The following PITPNA variants were observed in gnomAD, a reference collection of about 807,000 sequenced individuals.
PITPNA encodes the protein phosphatidylinositol transfer protein alpha isoform.
PITPNA carries 13 observed loss-of-function variants against 50.3 expected under a neutral mutation model. The observed-to-expected ratio is 0.26, with a 90% confidence interval of 0.17 to 0.41. The LOEUF (loss-of-function observed/expected upper bound fraction) is 0.41. Ranked by LOEUF, PITPNA falls within the 10% of genes least tolerant of loss-of-function variation. The pLI is 1.00. For missense variants in PITPNA, 207 were observed against 333.4 expected, an observed-to-expected ratio of 0.62 and a Z score of 2.95; for synonymous variants, 120 against 119.6, an observed-to-expected ratio of 1.00 and a Z score of -0.02.
intron 3 of PITPNA, among the ~76,000 whole-genome samples, chr17:1,551,062 C>T (rs375234092): frequency 9.5e-5 from 14 of 147,842 alleles, no homozygotes; most frequent in African/African-American, 3.0e-4. Context: ...GAGAGTATTG[C>T]GGGGCGGAGT....
chr17:1,532,527 G>C (rs542001449), intron 10 of PITPNA, among the ~76,000 whole-genome samples: 1 of 152,170 alleles, frequency 6.6e-6, no homozygotes, highest in Non-Finnish European at 1.5e-5. Flanking sequence ...AGTTCTACCC[G>C]AAGGAATGAA....
intron 1 of PITPNA, among the ~76,000 whole-genome samples, chr17:1,560,154 G>A (rs2075760620): frequency 6.6e-6 from 1 of 152,210 alleles, no homozygotes; most frequent in Admixed American, 6.5e-5. Context: ...AGAATGCCAT[G>A]GGCCAATTCC....
Position 1,558,104 on chromosome 17 carries a change from A to G in PITPNA, c.51+425T>C, listed in dbSNP as rs993044641. 1.1e-3 allele frequency among the ~76,000 whole-genome samples: 170 copies of G among 152,034 alleles called. 2 individuals carry two copies. The highest frequency in any genetic ancestry group is 3.8e-3 in the African/African-American group (156 of 41,446). ...AAATTAGCCGGGTGTGGTGGCACAC[A>G]CCTGTAATCCCGGCTACTTGGGAGG... On this transcript the variant is annotated intron_variant, in intron 2 of 11. Coordinates refer to ENST00000313486, the MANE Select transcript of PITPNA (RefSeq NM_006224.4).
intron 10 of PITPNA, among the ~76,000 whole-genome samples, chr17:1,530,947 G>A (rs2075578586): frequency 6.6e-6 from 1 of 152,164 alleles, no homozygotes; most frequent in Non-Finnish European, 1.5e-5. Context: ...ACCAGGTGTG[G>A]CTCAAAACTG....
intron 10 of PITPNA, among the ~76,000 whole-genome samples, chr17:1,526,187 TCAGGCTTCAAGTACACA>T (rs1174457459): frequency 6.6e-6 from 1 of 152,248 alleles, no homozygotes. Context: ...TCTGTGACAT[TCAGGCTTCAAGTACACA>T]CAGGTGGGGT....
At chr17:1,540,800 T>C (rs1306571868) in intron 6 of PITPNA, among the ~76,000 whole-genome samples, 1 of 152,190 alleles carries the variant, frequency 6.6e-6, no homozygotes, top group African/African-American at 2.4e-5. Context: ...TTAGCCAGGA[T>C]GGTCTCGATC....
chr17:1,528,248 C>T (rs2075559647), intron 10 of PITPNA, among the ~76,000 whole-genome samples: 2 of 152,182 alleles, frequency 1.3e-5, no homozygotes, highest in Non-Finnish European at 2.9e-5. Context: ...TCAAGCGATT[C>T]TCCTGTCTCA....
At chr17:1,552,455 A>C (rs999295305) in intron 3 of PITPNA, among the ~76,000 whole-genome samples, 33 of 152,318 alleles carry the variant, frequency 2.2e-4, no homozygotes, top group African/African-American at 7.7e-4. Flanking sequence ...CAGTACACAA[A>C]TCAGTTCAAG....
At chr17:1,524,993 A>G (rs1170917668) in intron 10 of PITPNA, among the ~76,000 whole-genome samples, 2 of 151,832 alleles carry the variant, frequency 1.3e-5, no homozygotes, top group Admixed American at 6.6e-5. Context: ...AGAATACAAA[A>G]TTATTATTGT....
intron 4 of PITPNA, among the ~76,000 whole-genome samples, chr17:1,544,322 G>A (rs867513945): frequency 2.0e-5 from 3 of 152,220 alleles, no homozygotes; most frequent in Non-Finnish European, 2.9e-5. Context: ...GCAATTCTGC[G>A]TTTTAGTGTA....
intron 7 of PITPNA, 198 bp from the exon 8 acceptor site, chr17:1,535,716 G>A (rs769141805): frequency 7.8e-5 from 46 of 591,132 alleles, no homozygotes; most frequent in African/African-American, 9.3e-5. Flanking sequence ...GATTTTCTCC[G>A]ATAGGGTTTG....
At position 1,538,826 on chromosome 17, in the gene PITPNA, TTCTGCGTCTCGAAGGCCACCCACG is replaced by T. The variant is rs1161854995; in HGVS notation, c.456+19_456+42del. 3.2e-6 allele frequency: 4 copies of T among 1,264,928 alleles called. No homozygotes were observed. The African/African-American group carries it at 5.9e-5, about 19-fold the overall frequency. The allele number at this position is 1,264,928 out of a possible 1,614,324, so 78.4% of individuals were successfully genotyped here. A position where few individuals can be genotyped will look rare whatever the true frequency, so the allele number is the denominator to read the frequency against. On this transcript the variant is annotated intron_variant, in intron 7 of 11. Transcript: ENST00000313486. Reference sequence around the variant, plus strand: ...GGTTTCTTTAGCATTGAGAAGTCATTTCTGCGTCTCGAAGGCCACCCACGTCTTTAAACGGATCCTACCTTGCTG... The same window carrying T: ...GGTTTCTTTAGCATTGAGAAGTCATTTCTTTAAACGGATCCTACCTTGCTG...
intron 9 of PITPNA, among the ~76,000 whole-genome samples, chr17:1,534,973 C>T (rs550053640): frequency 1.3e-5 from 2 of 152,222 alleles, no homozygotes; most frequent in South Asian, 2.1e-4. Flanking sequence ...GGGCCAAACA[C>T]CCCCCACCGC....
At chr17:1,536,777 G>A (rs2075620414) in intron 7 of PITPNA, among the ~76,000 whole-genome samples, 1 of 150,714 alleles carries the variant, frequency 6.6e-6, no homozygotes, top group Non-Finnish European at 1.5e-5. Context: ...TATTTTTGTA[G>A]AGACGGGGTT....
rs929384111 is a variant in PITPNA at position 1,549,673 on chromosome 17, TTTTG to T, written c.198-1290_198-1287del. 4.9e-5 allele frequency among the ~76,000 whole-genome samples: 7 copies of T among 143,542 alleles called. 2 individuals are homozygous for T. The highest frequency in any genetic ancestry group is 1.9e-4 in the African/African-American group (7 of 37,718). 94.2% of individuals were successfully genotyped at this position (143,542 alleles called of 152,430 possible). A position where few individuals can be genotyped will look rare whatever the true frequency, so the allele number is the denominator to read the frequency against. ...TGGTACATATATTCCTTTTCCTTTT[TTTTG>T]TTTGTTTTTGTTTTTTGAGATGGAG... On this transcript the variant is annotated intron_variant, in intron 3 of 11. Coordinates refer to ENST00000313486, the MANE Select transcript of PITPNA (RefSeq NM_006224.4).
chr17:1,525,284 G>A (rs1345122242), intron 10 of PITPNA, among the ~76,000 whole-genome samples: 4 of 151,840 alleles, frequency 2.6e-5, no homozygotes, highest in Non-Finnish European at 5.9e-5. Flanking sequence ...CACCACACCC[G>A]GCCAATAAAA....
At chr17:1,539,106 AG>A (rs1456867820) in intron 6 of PITPNA, among the ~76,000 whole-genome samples, 154 bp from the exon 7 acceptor site, 2 of 152,250 alleles carry the variant, frequency 1.3e-5, no homozygotes, top group African/African-American at 4.8e-5. Context: ...AATTATCCAA[AG>A]AAATGGGAGA....
At chr17:1,528,201 C>T (rs1474914283) in intron 10 of PITPNA, among the ~76,000 whole-genome samples, 1 of 152,154 alleles carries the variant, frequency 6.6e-6, no homozygotes, top group Non-Finnish European at 1.5e-5. Flanking sequence ...AGTGCAGCAG[C>T]ATGATCTCGG....
intron 10 of PITPNA, among the ~76,000 whole-genome samples, chr17:1,524,489 G>A (rs929489333): frequency 6.6e-6 from 1 of 151,902 alleles, no homozygotes; most frequent in African/African-American, 2.4e-5. Flanking sequence ...CACACTCCTG[G>A]ACTCGAGCAA....
Sources: allele counts gnomAD v4.1 joint callset (sites outside exome capture counted in the v4.1 genomes callset), GRCh38; gene constraint gnomAD v4.1.1; transcripts MANE v1.5; gene names NCBI Gene and HGNC (gene_info 2026-07-23, HGNC 2026-07-21).